Variants in NALCN observed in about 807,000 individuals in gnomAD.
NALCN encodes the protein sodium leak channel NALCN.
Under a neutral mutation model 225.3 loss-of-function variants are expected in NALCN, and 111 were observed. The ratio of observed to expected loss-of-function variants is 0.49; its 90% CI spans 0.42 to 0.58. The LOEUF (loss-of-function observed/expected upper bound fraction) is 0.58, where lower values mean the gene tolerates loss of function less well. NALCN is among the 20% of genes least tolerant of loss of function. NALCN has a pLI of 0.00. For missense variants in NALCN, 1,378 were observed against 2,202.4 expected (o/e 0.63, Z 7.49); for synonymous variants, 764 against 769.0 (o/e 0.99, Z 0.11).
Position 101,082,874 on chromosome 13 carries a change from C to T in NALCN, c.3700G>A (p.Glu1234Lys). 6.2e-7 allele frequency: 1 copy of T among 1,614,138 alleles called. No individual in the cohort carries two copies. Among genetic ancestry groups the T allele is most frequent in the Admixed American group, 1.7e-5 (1 of 60,016 alleles). Residue 1234 changes from glutamate (E) to lysine (K), a missense_variant, in exon 33 of 44, where the codon GAG becomes AAG. This residue lies in a region of NALCN where 98 missense variants were observed against 156.6 expected (regional missense o/e 0.63). Transcript: ENST00000251127. Reference sequence around the variant, plus strand: ...GCCAAAGGTACGGTCACCGGGTCCTCGACGTCCCACTGCAACAGAAACAGC... The same window carrying T: ...GCCAAAGGTACGGTCACCGGGTCCTTGACGTCCCACTGCAACAGAAACAGC... Reference protein sequence around the residue: ...SVLLSVKWDVEDPVTVPLATM... With the variant: ...SVLLSVKWDVKDPVTVPLATM...
rs2034107655 is a variant in NALCN, at chr13:101,089,522, T to C, written c.3489+141A>G. The C allele has an allele frequency of 1.5e-6, 1 of 686,462 alleles. No individual in the cohort carries two copies. The highest frequency in any genetic ancestry group is 3.0e-5 in the Admixed American group (1 of 32,896). The allele number at this position is 686,462 out of a possible 1,614,324, so 42.5% of individuals were successfully genotyped here. ...TGAAAAGCAGCAATGAGGGAGCTTG[T>C]AAAACAGTTATAGAGATTATTTACA... On this transcript the variant is annotated intron_variant, in intron 30 of 43. Transcript: ENST00000251127. The surrounding 1 kb of genome is among the most constrained non-coding windows in gnomAD (Gnocchi z 4.7).
intron 7 of NALCN, among the ~76,000 whole-genome samples, chr13:101,312,844 A>T (rs2044399325): frequency 6.6e-6 from 1 of 152,134 alleles, no homozygotes; most frequent in Admixed American, 6.5e-5. Flanking sequence ...TAAAGTTCAT[A>T]TGGAACCAAA....
intron 12 of NALCN, among the ~76,000 whole-genome samples, chr13:101,236,913 A>T (rs2140153965): frequency 6.8e-6 from 1 of 147,428 alleles, no homozygotes; most frequent in South Asian, 2.2e-4. Flanking sequence ...TTAAAGTATA[A>T]TAATAATAAA....
In NALCN at chr13:101,065,432, C is replaced by T. The variant is rs754064797; in HGVS notation, c.4576G>A (p.Gly1526Ser). 15 of 1,614,022 alleles carry T rather than the reference C, an allele frequency of 9.3e-6. No individual in the cohort carries two copies. The highest frequency in any genetic ancestry group is 2.7e-5 in the African/African-American group (2 of 74,934). The stretch of plus-strand genomic sequence containing the variant: ...AGGACATCATGGAAGGTGACGTCGC[C>T]GCCATTGTGGAGCCTCTCCATTTCG... The part of the protein sequence containing the change: ...CYEMERLHNG[G>S]DVTFHDVLSM... Residue 1526 changes from glycine (G) to serine (S), a missense_variant, in exon 40 of 44, where the codon GGC (glycine) becomes AGC (serine). Transcript: ENST00000251127.
At chr13:101,337,835 G>A (rs1180348031) in intron 7 of NALCN, among the ~76,000 whole-genome samples, 2 of 152,162 alleles carry the variant, frequency 1.3e-5, no homozygotes, top group African/African-American at 4.8e-5. Context: ...CAAGAGCACA[G>A]GCTTCAGCCT....
chr13:101,342,225 C>A (rs1266435375), intron 7 of NALCN, among the ~76,000 whole-genome samples: 1 of 152,132 alleles, frequency 6.6e-6, no homozygotes, highest in African/African-American at 2.4e-5. Flanking sequence ...CCTGGAGAGC[C>A]TTTAAAAGCC....
chr13:101,198,091 G>C (rs1011808559), intron 13 of NALCN, among the ~76,000 whole-genome samples: 2 of 152,072 alleles, frequency 1.3e-5, no homozygotes, highest in Admixed American at 1.3e-4. Flanking sequence ...AGAGAGTAGA[G>C]GGTGAAAGCA....
intron 3 of NALCN, among the ~76,000 whole-genome samples, chr13:101,382,591 G>C (rs1339681311): frequency 1.3e-5 from 2 of 151,976 alleles, no homozygotes; most frequent in Non-Finnish European, 2.9e-5. Flanking sequence ...AATTAATGTT[G>C]TAAAACTGGC....
intron 26 of NALCN, among the ~76,000 whole-genome samples, chr13:101,101,456 T>G (rs1047382744): frequency 2.0e-5 from 3 of 152,016 alleles, no homozygotes; most frequent in Admixed American, 1.3e-4. Context: ...AATTTTTGTA[T>G]TTTTAGTAGA....
At chr13:101,221,201 C>T (rs1036714792) in intron 13 of NALCN, among the ~76,000 whole-genome samples, 1 of 151,986 alleles carries the variant, frequency 6.6e-6, no homozygotes, top group East Asian at 1.9e-4. Flanking sequence ...CTACTGCAAC[C>T]TCTGACTCCC....
chr13:101,266,250 G>T (rs1460153132), intron 10 of NALCN, among the ~76,000 whole-genome samples: 1 of 151,984 alleles, frequency 6.6e-6, no homozygotes, highest in Admixed American at 6.6e-5. Context: ...GCAGTCAGTT[G>T]CTTACAGGGA....
chr13:101,210,753 TAAG>T (rs1201407896), intron 13 of NALCN, among the ~76,000 whole-genome samples: 2 of 152,196 alleles, frequency 1.3e-5, no homozygotes, highest in Non-Finnish European at 2.9e-5. Flanking sequence ...TCCATGCATT[TAAG>T]AAGGACAACT....
intron 10 of NALCN, among the ~76,000 whole-genome samples, chr13:101,283,115 A>G (rs1379070739): frequency 6.6e-6 from 1 of 152,240 alleles, no homozygotes; most frequent in Non-Finnish European, 1.5e-5. Context: ...TCCAGGTGGA[A>G]GAATCAATTC....
chr13:101,212,341 A>G (rs1039418117), intron 13 of NALCN, among the ~76,000 whole-genome samples: 5 of 152,188 alleles, frequency 3.3e-5, no homozygotes, highest in South Asian at 2.1e-4. Flanking sequence ...AGAATTTTAA[A>G]ATACTCTCCC....
At chr13:101,086,281 T>C (rs2033926630) in intron 30 of NALCN, among the ~76,000 whole-genome samples, 1 of 152,048 alleles carries the variant, frequency 6.6e-6, no homozygotes, top group Non-Finnish European at 1.5e-5. Flanking sequence ...CATATTAATA[T>C]TTAACTTGTG....
chr13:101,187,303 T>C (rs1252250017), intron 14 of NALCN, among the ~76,000 whole-genome samples: 1 of 152,198 alleles, frequency 6.6e-6, no homozygotes, highest in Non-Finnish European at 1.5e-5. Flanking sequence ...ATAGTATATA[T>C]AGGGTTCTGT....
chr13:101,103,462 C>A lies in NALCN; in HGVS notation c.2890-123G>T, dbSNP rs7331375. On this transcript the variant is annotated intron_variant, in intron 25 of 43. Coordinates refer to ENST00000251127, the MANE Select transcript of NALCN (RefSeq NM_052867.4). ...GATTCCACTCACTGGTTGTACGTGC[C>A]ATCTGTTAACTTTAAACAACAAACC... 0.72 allele frequency: 822,926 copies of A among 1,137,714 alleles called. 300,695 individuals carry two copies. Among genetic ancestry groups the A allele is most frequent in the African/African-American group, 0.83 (52,719 of 63,588 alleles). 70.5% of individuals were successfully genotyped at this position (1,137,714 alleles called of 1,614,324 possible).
intron 6 of NALCN, among the ~76,000 whole-genome samples, chr13:101,374,870 T>G (rs928249725): frequency 6.6e-6 from 1 of 152,192 alleles, no homozygotes; most frequent in Non-Finnish European, 1.5e-5. Context: ...TTTTAGAACA[T>G]TATATAATTA....
intron 3 of NALCN, among the ~76,000 whole-genome samples, chr13:101,385,959 T>C (rs2046975583): frequency 6.6e-6 from 1 of 152,202 alleles, no homozygotes; most frequent in Admixed American, 6.5e-5. Context: ...CGTGAATCTG[T>C]GAAGTGATGC....
Sources: allele counts gnomAD v4.1 joint callset (sites outside exome capture counted in the v4.1 genomes callset), GRCh38; gene constraint gnomAD v4.1.1; regional missense constraint gnomAD v4.1.1; non-coding constraint Gnocchi (gnomAD v3.1); transcripts MANE v1.5; gene names NCBI Gene and HGNC (gene_info 2026-07-23, HGNC 2026-07-21).